Variants in RHOBTB1 observed in about 807,000 individuals in gnomAD.
RHOBTB1 encodes the protein Rho related BTB domain containing 1.
A neutral mutation model predicts 71.6 loss-of-function variants in RHOBTB1; 40 were observed. That is an observed-to-expected ratio of 0.56 (90% CI 0.43 to 0.73). The LOEUF is 0.73. Among genes scored for constraint, RHOBTB1 ranks in the 30% least tolerant of loss-of-function variants. The pLI, the probability that RHOBTB1 is intolerant of heterozygous loss-of-function variation, is 0.00. For missense variants in RHOBTB1, 797 were observed against 894.0 expected (o/e 0.89, Z 1.38); for synonymous variants, 319 against 334.9 (o/e 0.95, Z 0.52).
intron 8 of RHOBTB1, among the ~76,000 whole-genome samples, chr10:60,875,580 T>C (rs192105468): frequency 1.6e-3 from 237 of 152,320 alleles, no homozygotes; most frequent in Middle Eastern, 3.4e-3. Context: ...CTCACATCAC[T>C]GCAATCCTTA....
intron 6 of RHOBTB1, 122 bp from the exon 7 acceptor site, chr10:60,886,352 C>G (rs1564798085): frequency 6.0e-6 from 4 of 668,398 alleles, no homozygotes; most frequent in Non-Finnish European, 7.9e-6. Context: ...TCTTTACTTA[C>G]TGATTTTATG....
chr10:60,913,942 T>C (rs1039467608), intron 2 of RHOBTB1, among the ~76,000 whole-genome samples: 11 of 152,150 alleles, frequency 7.2e-5, no homozygotes, highest in African/African-American at 2.2e-4. Flanking sequence ...CTCAGTGCCG[T>C]AACTGACACA....
At chr10:60,932,397 T>C (rs2084306768) in intron 2 of RHOBTB1, among the ~76,000 whole-genome samples, 1 of 151,628 alleles carries the variant, frequency 6.6e-6, no homozygotes, top group African/African-American at 2.4e-5. Context: ...GGTGTACTGG[T>C]TCTTGATCTA....
chr10:60,928,201 C>A (rs566719225), intron 2 of RHOBTB1, among the ~76,000 whole-genome samples: 3 of 152,142 alleles, frequency 2.0e-5, no homozygotes, highest in South Asian at 2.1e-4. Context: ...AAAGGGGAAC[C>A]CTTGCAAGCT....
intron 9 of RHOBTB1, among the ~76,000 whole-genome samples, chr10:60,874,079 TTTGA>T (rs1341582614): frequency 1.3e-5 from 2 of 152,202 alleles, no homozygotes; most frequent in African/African-American, 4.8e-5. Context: ...CCTCCTTTCC[TTTGA>T]TTGAGAAATA....
intron 4 of RHOBTB1, among the ~76,000 whole-genome samples, chr10:60,897,034 T>C (rs1297122427): frequency 2.0e-5 from 3 of 152,274 alleles, no homozygotes; most frequent in Non-Finnish European, 4.4e-5. Flanking sequence ...ATGTGAAAGA[T>C]TGGCAAGGAT....
chr10:60,932,513 T>A (rs114174483), intron 2 of RHOBTB1, among the ~76,000 whole-genome samples: 172 of 107,776 alleles, frequency 1.6e-3, no homozygotes, highest in African/African-American at 1.8e-3. Flanking sequence ...TTTCTTAAAG[T>A]AAAAAAAAAA....
intron 2 of RHOBTB1, among the ~76,000 whole-genome samples, chr10:60,951,211 C>T (rs898108240): frequency 1.3e-5 from 2 of 152,166 alleles, no homozygotes; most frequent in Admixed American, 6.5e-5. Flanking sequence ...ATAGATACCA[C>T]TTCAAAAGGA....
chr10:60,926,858 T>C (rs1197262870), intron 2 of RHOBTB1, among the ~76,000 whole-genome samples: 1 of 152,150 alleles, frequency 6.6e-6, no homozygotes. Context: ...TTATTCAACA[T>C]AATACTAGAA....
At chr10:60,971,102 T>C (rs1476979825) in intron 2 of RHOBTB1, among the ~76,000 whole-genome samples, 1 of 152,044 alleles carries the variant, frequency 6.6e-6, no homozygotes, top group East Asian at 1.9e-4. Flanking sequence ...TTAATAATAA[T>C]AACATGAGCA....
At chr10:60,868,461 T>G (rs575440193), downstream of RHOBTB1, among the ~76,000 whole-genome samples, 1 of 152,360 alleles carries the variant, frequency 6.6e-6, no homozygotes, top group Admixed American at 6.5e-5. Context: ...GTTTTTTCCC[T>G]CTGACTAGTA....
intron 2 of RHOBTB1, among the ~76,000 whole-genome samples, chr10:60,971,814 C>A (rs1331747475): frequency 6.6e-6 from 1 of 152,104 alleles, no homozygotes; most frequent in African/African-American, 2.4e-5. Context: ...CTGCTAATAT[C>A]CAGAATCTAC....
Position 60,943,785 on chromosome 10 carries a change from C to A in RHOBTB1, c.-62+186G>T, listed in dbSNP as rs1242351314. Among the ~76,000 whole-genome samples, 13 of 152,122 alleles carry A rather than the reference C, an allele frequency of 8.5e-5. No homozygotes were observed. In the East Asian group the frequency reaches 2.4e-3, roughly 28 times the overall value. On this transcript the variant is annotated intron_variant, in intron 1 of 10. Transcript: ENST00000337910. ...TGCCTCTGATGGGAGGGTCCCCGGC[C>A]TCTCAGAGAGGCGAGGGAGGCCCCC...
At chr10:60,880,177 CTGTGTGTG>C (rs1554829436) in intron 7 of RHOBTB1, among the ~76,000 whole-genome samples, 1 of 100,558 alleles carries the variant, frequency 9.9e-6, no homozygotes, top group African/African-American at 4.2e-5. Context: ...TGAGGGATGA[CTGTGTGTG>C]TGTGTGTGTG....
intron 1 of RHOBTB1, among the ~76,000 whole-genome samples, chr10:60,997,350 A>C (rs544159185): frequency 1.6e-4 from 25 of 152,352 alleles, no homozygotes; most frequent in Non-Finnish European, 2.1e-4. Context: ...GTGTGGGTGC[A>C]ATCTCAAACC....
At chr10:60,992,764 T>C (rs932866875) in intron 1 of RHOBTB1, among the ~76,000 whole-genome samples, 3 of 152,116 alleles carry the variant, frequency 2.0e-5, no homozygotes, top group African/African-American at 2.4e-5. Flanking sequence ...ACATTCCACA[T>C]TGAAATAAGA....
chr10:60,888,787 T>A lies in RHOBTB1; in HGVS notation c.881A>T (p.Asp294Val). 1 of 1,614,136 alleles carries A rather than the reference T, an allele frequency of 6.2e-7. No individual in the cohort carries two copies. The highest frequency in any genetic ancestry group is 8.5e-7 in the Non-Finnish European group (1 of 1,180,026). Residue 294 changes from aspartate (D) to valine (V), a missense_variant, in exon 6 of 11, where the codon GAT (aspartate) becomes GTT (valine). Transcript: ENST00000337910. ...YLATSSSKFY[D>V]LFLMECEESP... ...TTCTTCACATTCCATTAAAAACAGA[T>A]CATAAAATTTGGAAGAAGAGGTAGC...
At chr10:60,882,095 C>A (rs1043523099) in intron 7 of RHOBTB1, among the ~76,000 whole-genome samples, 2 of 151,500 alleles carry the variant, frequency 1.3e-5, no homozygotes, top group African/African-American at 4.9e-5. Context: ...TGCATGACAA[C>A]AGAAAGACCT....
At chr10:60,887,270 C>T (rs1324238914) in intron 6 of RHOBTB1, among the ~76,000 whole-genome samples, 2 of 152,162 alleles carry the variant, frequency 1.3e-5, no homozygotes, top group African/African-American at 2.4e-5. Flanking sequence ...GAAGTAAATA[C>T]TACTCATAAG....
Sources: gnomAD v4.1 joint callset for allele counts (sites outside exome capture counted in the v4.1 genomes callset) on GRCh38, gnomAD v4.1.1 for gene constraint, MANE v1.5 for transcripts, NCBI Gene and HGNC (gene_info 2026-07-23, HGNC 2026-07-21) for gene names.